Variants in GALNTL6 observed in about 807,000 individuals in gnomAD.
GALNTL6 encodes polypeptide N-acetylgalactosaminyltransferase like 6, also known as polypeptide N-acetylgalactosaminyltransferase-like 6.
A neutral mutation model predicts 73.7 loss-of-function variants in GALNTL6; 46 were observed. The ratio of observed to expected loss-of-function variants is 0.62; its 90% CI spans 0.49 to 0.80. GALNTL6 has a LOEUF of 0.80. Among genes scored for constraint, GALNTL6 ranks in the 30% least tolerant of loss-of-function variants. The pLI is 0.00. For synonymous variants in GALNTL6, 259 were observed against 263.7 expected (o/e 0.98, Z 0.17); for missense variants, 604 against 755.0 (o/e 0.80, Z 2.34).
At chr4:172,657,368 A>C (rs1268498699) in intron 5 of GALNTL6, among the ~76,000 whole-genome samples, 1 of 152,220 alleles carries the variant, frequency 6.6e-6, no homozygotes, top group Non-Finnish European at 1.5e-5. Flanking sequence ...CGCAATACAG[A>C]AGAAATTCAT....
chr4:172,474,921 G>C (rs372028099), intron 5 of GALNTL6, among the ~76,000 whole-genome samples: 2 of 152,048 alleles, frequency 1.3e-5, no homozygotes, highest in East Asian at 1.9e-4. Context: ...TACCAAATAA[G>C]CTTCCAAAAG....
chr4:172,891,383 A>C (rs557121483), intron 8 of GALNTL6, among the ~76,000 whole-genome samples: 1 of 152,260 alleles, frequency 6.6e-6, no homozygotes, highest in African/African-American at 2.4e-5. Context: ...CCTCTCTGGA[A>C]AAGATTTTAT....
Position 172,339,641 on chromosome 4 carries a change from A to G in GALNTL6, c.387-8882A>G, listed in dbSNP as rs1341437207. On this transcript the variant is annotated intron_variant, in intron 4 of 12. Transcript: ENST00000506823. ...CGGGGAAAATGCTGCAACTTTTCCCAATGTCTTTCCCTCTGAGTTTCTCCA... is the reference window on the plus strand; with the variant it reads ...CGGGGAAAATGCTGCAACTTTTCCCGATGTCTTTCCCTCTGAGTTTCTCCA... Among the ~76,000 whole-genome samples, 5 of 152,292 alleles carry G rather than the reference A, an allele frequency of 3.3e-5. No individual in the cohort carries two copies. The East Asian group carries it at 9.7e-4, about 29-fold the overall frequency.
At chr4:172,129,585 C>G (rs978915672) in intron 2 of GALNTL6, among the ~76,000 whole-genome samples, 1 of 152,058 alleles carries the variant, frequency 6.6e-6, no homozygotes, top group Non-Finnish European at 1.5e-5. Context: ...TACAGATGCA[C>G]GCATCCAAAC....
At chr4:172,464,021 A>C (rs1732711161) in intron 5 of GALNTL6, among the ~76,000 whole-genome samples, 1 of 152,124 alleles carries the variant, frequency 6.6e-6, no homozygotes, top group African/African-American at 2.4e-5. Context: ...TTTTCTGTCC[A>C]GGTTGAGTGA....
chr4:172,270,536 G>C (rs1453254695), intron 3 of GALNTL6, among the ~76,000 whole-genome samples: 1 of 152,130 alleles, frequency 6.6e-6, no homozygotes, highest in African/African-American at 2.4e-5. Context: ...GTGCATGCAG[G>C]CATGCACACA....
At chr4:171,870,959 A>C (rs1736119152) in intron 2 of GALNTL6, among the ~76,000 whole-genome samples, 1 of 152,160 alleles carries the variant, frequency 6.6e-6, no homozygotes, top group African/African-American at 2.4e-5. Context: ...AAATTGTGGT[A>C]ATCTGTTATA....
At chr4:172,137,673 G>T (rs1010606779) in intron 2 of GALNTL6, among the ~76,000 whole-genome samples, 7 of 152,092 alleles carry the variant, frequency 4.6e-5, no homozygotes, top group African/African-American at 1.7e-4. Context: ...ACAGATGAAG[G>T]GTAGGTAAGA....
At chr4:172,559,159 G>T (rs1413435544) in intron 5 of GALNTL6, among the ~76,000 whole-genome samples, 2 of 123,912 alleles carry the variant, frequency 1.6e-5, no homozygotes, top group African/African-American at 6.2e-5. Flanking sequence ...CCACCTCCCA[G>T]GTTCATGCCG....
chr4:172,581,438 A>G (rs899360055), intron 5 of GALNTL6, among the ~76,000 whole-genome samples: 1 of 152,154 alleles, frequency 6.6e-6, no homozygotes, highest in Non-Finnish European at 1.5e-5. Flanking sequence ...CGAGTTCATC[A>G]TGGCAGCCTG....
chr4:172,125,448 T>C (rs1417381377), intron 2 of GALNTL6, among the ~76,000 whole-genome samples: 2 of 152,174 alleles, frequency 1.3e-5, no homozygotes, highest in African/African-American at 4.8e-5. Flanking sequence ...CAAGAAACCT[T>C]ATTGTTTGAA....
At chr4:172,533,940 T>C (rs1327738576) in intron 5 of GALNTL6, among the ~76,000 whole-genome samples, 1 of 152,228 alleles carries the variant, frequency 6.6e-6, no homozygotes, top group African/African-American at 2.4e-5. Context: ...GATCTTGGTC[T>C]TAATTTGTGT....
chr4:172,764,210 C>G (rs187156165), intron 5 of GALNTL6, among the ~76,000 whole-genome samples: 2 of 152,164 alleles, frequency 1.3e-5, no homozygotes, highest in Non-Finnish European at 2.9e-5. Context: ...CGCCCGCCTT[C>G]GTCTCCCAAA....
At chr4:172,908,413 T>C (rs1048830217) in intron 8 of GALNTL6, among the ~76,000 whole-genome samples, 3 of 152,152 alleles carry the variant, frequency 2.0e-5, no homozygotes, top group Non-Finnish European at 2.9e-5. Flanking sequence ...TTTAACATTA[T>C]TTTATATTAT....
chr4:172,885,129 T>C (rs989602328), intron 8 of GALNTL6, among the ~76,000 whole-genome samples: 2 of 152,172 alleles, frequency 1.3e-5, no homozygotes, highest in African/African-American at 4.8e-5. Context: ...TCCCTACAAA[T>C]TTTTGGATAT....
In GALNTL6 at chr4:171,965,987, A is replaced by G. The variant is rs117241060; in HGVS notation, c.138+151269A>G. Among the ~76,000 whole-genome samples the G allele has an allele frequency of 1.8e-3, 274 of 152,292 alleles. 3 individuals carry two copies. Among genetic ancestry groups the G allele is most frequent in the Admixed American group, 0.013 (192 of 15,296 alleles). On this transcript the variant is annotated intron_variant, in intron 2 of 12. Transcript: ENST00000506823. ...ATTGTAAGCTTGCTTTTAAAAAGCAATCTTGAGTTTATTATTCTTTTAAGC... is the reference window on the plus strand; with the variant it reads ...ATTGTAAGCTTGCTTTTAAAAAGCAGTCTTGAGTTTATTATTCTTTTAAGC...
chr4:173,008,539 G>C (rs555968821), intron 10 of GALNTL6, among the ~76,000 whole-genome samples: 1 of 152,340 alleles, frequency 6.6e-6, no homozygotes, highest in African/African-American at 2.4e-5. Flanking sequence ...GGTTGCAGCA[G>C]AGAAAGAGTT....
chr4:173,001,703 G>T (rs538846786), intron 10 of GALNTL6, among the ~76,000 whole-genome samples: 2 of 152,158 alleles, frequency 1.3e-5, no homozygotes, highest in East Asian at 3.9e-4. Flanking sequence ...TCAGAAATAG[G>T]CAAAGAACCT....
intron 5 of GALNTL6, among the ~76,000 whole-genome samples, chr4:172,712,562 T>G (rs567034679): frequency 1.3e-5 from 2 of 152,314 alleles, no homozygotes; most frequent in Non-Finnish European, 2.9e-5. Context: ...AAAGTTCTGG[T>G]GGTCCTTGAG....
Sources: allele counts gnomAD v4.1 joint callset (sites outside exome capture counted in the v4.1 genomes callset), GRCh38; gene constraint gnomAD v4.1.1; transcripts MANE v1.5; gene names NCBI Gene and HGNC (gene_info 2026-07-23, HGNC 2026-07-21).